PDLIM5: variants seen among roughly 807,000 people sequenced by gnomAD.
PDLIM5 encodes the protein PDZ and LIM domain 5.
Under a neutral mutation model 64.2 loss-of-function variants are expected in PDLIM5, and 34 were observed. The observed-to-expected ratio is 0.53, with a 90% confidence interval of 0.40 to 0.71. The LOEUF (loss-of-function observed/expected upper bound fraction) is 0.71. PDLIM5 is among the 30% of genes least tolerant of loss of function. The probability of loss-of-function intolerance (pLI) is 0.00; values close to 1 mark genes in which losing one functional copy is unlikely to be tolerated. For synonymous variants in PDLIM5, 253 were observed against 269.1 expected (o/e 0.94, Z 0.59); for missense variants, 683 against 733.6 (o/e 0.93, Z 0.80).
At position 94,637,546 on chromosome 4, in the gene PDLIM5, G is replaced by A. The variant is rs577838709; in HGVS notation, c.1109-2730G>A. Among the ~76,000 whole-genome samples, 4 of 152,242 alleles carry A rather than the reference G, an allele frequency of 2.6e-5. No homozygotes were observed. The South Asian group carries it at 6.2e-4, about 24-fold the overall frequency. ...TGCACTCCAGCCTGGGCGACAGGGC[G>A]AGACTCCGTCTCAAAAAAAAAGGAA... On this transcript the variant is annotated intron_variant, in intron 8 of 12. Transcript: ENST00000317968.
intron 2 of PDLIM5, among the ~76,000 whole-genome samples, chr4:94,467,123 GC>G (rs1344273840): frequency 1.3e-5 from 2 of 152,150 alleles, no homozygotes; most frequent in African/African-American, 4.8e-5. Context: ...TAGATCATGA[GC>G]CTCTCTTATC....
intron 2 of PDLIM5, among the ~76,000 whole-genome samples, chr4:94,514,140 T>C (rs1403659477): frequency 6.7e-6 from 1 of 149,224 alleles, no homozygotes; most frequent in African/African-American, 2.5e-5. Context: ...TTTCTTTTTT[T>C]TTTTTTTTTT....
In PDLIM5 at chr4:94,618,201, A is replaced by G. The variant is rs757933998; in HGVS notation, c.1108+10A>G. ...CGGCCAAACCAAGGAGGTAGCCCAG[A>G]GAAATCTCTTGCGTCTTGCTTTTCG... On this transcript the variant is annotated intron_variant, in intron 8 of 12. Coordinates refer to ENST00000317968, the MANE Select transcript of PDLIM5 (RefSeq NM_006457.5). The G allele has an allele frequency of 1.3e-6, 2 of 1,569,986 alleles. No homozygotes were observed. The highest frequency in any genetic ancestry group is 1.7e-6 in the Non-Finnish European group (2 of 1,154,766).
At chr4:94,578,464 A>T (rs1201321521) in intron 5 of PDLIM5, among the ~76,000 whole-genome samples, 1 of 152,194 alleles carries the variant, frequency 6.6e-6, no homozygotes, top group African/African-American at 2.4e-5. Context: ...GGGTGTATTT[A>T]AAAATAGCTT....
At chr4:94,616,875 C>T (rs1051262096) in intron 7 of PDLIM5, among the ~76,000 whole-genome samples, 14 of 152,202 alleles carry the variant, frequency 9.2e-5, no homozygotes, top group African/African-American at 2.4e-4. Flanking sequence ...TTTATTGTTT[C>T]GATAGAAGGA....
rs777436991 is a variant in PDLIM5, at chr4:94,657,424, C to T, written c.1465-3C>T. The T allele has an allele frequency of 3.9e-5, 61 of 1,578,420 alleles. No individual in the cohort carries two copies. Among genetic ancestry groups the T allele is most frequent in the Non-Finnish European group, 5.3e-5 (61 of 1,148,910 alleles). ...TTTACATCCAATTACCTTTCTGTAA[C>T]AGGAAGTCATCAGTGCGTTGAAACA... On this transcript the variant is annotated splice_region_variant and splice_polypyrimidine_tract_variant and intron_variant, in intron 10 of 12. Coordinates refer to ENST00000317968, the MANE Select transcript of PDLIM5 (RefSeq NM_006457.5).
intron 7 of PDLIM5, chr4:94,607,964 A>G (rs988361273): frequency 5.2e-5 from 41 of 788,410 alleles, no homozygotes; most frequent in Middle Eastern, 3.0e-4. Flanking sequence ...AAATTGAACT[A>G]GTAGACATTT....
chr4:94,481,767 C>T (rs567067679), intron 2 of PDLIM5, among the ~76,000 whole-genome samples: 1 of 150,066 alleles, frequency 6.7e-6, no homozygotes, highest in Non-Finnish European at 1.5e-5. Context: ...CGCCACCACA[C>T]CTGGCTAATT....
At chr4:94,653,134 A>G (rs1741968222) in intron 9 of PDLIM5, among the ~76,000 whole-genome samples, 1 of 152,082 alleles carries the variant, frequency 6.6e-6, no homozygotes, top group Non-Finnish European at 1.5e-5. Context: ...TAGGGATGAT[A>G]AGTGATGTTA....
At chr4:94,531,622 C>T (rs1007380640) in intron 3 of PDLIM5, among the ~76,000 whole-genome samples, 8 of 152,114 alleles carry the variant, frequency 5.3e-5, no homozygotes, top group East Asian at 3.9e-4. Flanking sequence ...GCCTGTGGGC[C>T]GTGGGTTGGA....
At chr4:94,515,500 C>T (rs1049263920) in intron 2 of PDLIM5, among the ~76,000 whole-genome samples, 1 of 152,046 alleles carries the variant, frequency 6.6e-6, no homozygotes, top group African/African-American at 2.4e-5. Context: ...TTTTGAAAGG[C>T]CTGTGATTTT....
chr4:94,519,327 G>A (rs147806809), intron 2 of PDLIM5, among the ~76,000 whole-genome samples: 2 of 152,316 alleles, frequency 1.3e-5, no homozygotes, highest in East Asian at 3.9e-4. Flanking sequence ...CATTTCCGGT[G>A]CATTTTGTGG....
At position 94,664,028 on chromosome 4, in the gene PDLIM5, G is replaced by A. The variant is rs749563113; in HGVS notation, c.1752G>A (p.Lys584=). 6.2e-6 allele frequency: 10 copies of A among 1,608,448 alleles called. No homozygotes were observed. The African/African-American group carries it at 9.4e-5, about 15-fold the overall frequency. ...EGQTFFSKKD[K]PLCKKHAHSV... The stretch of plus-strand genomic sequence containing the variant: ...AGACCTTTTTCTCCAAGAAGGACAA[G>A]CCCCTGTGTAAGAAACATGCTCATT... Residue 584 remains lysine (K), a synonymous_variant, in exon 13 of 13, where the codon AAG becomes AAA. Transcript: ENST00000317968.
At chr4:94,573,446 A>G in intron 4 of PDLIM5, 53 bp downstream of exon 4, 1 of 1,315,032 alleles carries the variant, frequency 7.6e-7, no homozygotes, top group Non-Finnish European at 1.1e-6. Flanking sequence ...TTGCTGAGCT[A>G]CTGTAATTCC....
At chr4:94,589,084 A>G (rs1560724849) in intron 7 of PDLIM5, among the ~76,000 whole-genome samples, 2 of 152,202 alleles carry the variant, frequency 1.3e-5, no homozygotes, top group African/African-American at 4.8e-5. Flanking sequence ...TTCTTAGACC[A>G]GGCTTTCCTA....
intron 1 of PDLIM5, among the ~76,000 whole-genome samples, 182 bp downstream of exon 1, chr4:94,452,177 G>C (rs1043002940): frequency 2.0e-5 from 3 of 152,138 alleles, no homozygotes; most frequent in African/African-American, 7.2e-5. Context: ...TGGGAGAGCA[G>C]CTTGGGAAAA....
chr4:94,577,395 A>G (rs776537281), intron 5 of PDLIM5: 7 of 456,400 alleles, frequency 1.5e-5, no homozygotes, highest in South Asian at 1.1e-4. Flanking sequence ...GAGGGAGAGC[A>G]GGAGCTCTAG....
At chr4:94,587,161 G>A in intron 7 of PDLIM5, 20 of 1,492,446 alleles carry the variant, frequency 1.3e-5, no homozygotes, top group Non-Finnish European at 1.8e-5. Flanking sequence ...AGCAAAATCT[G>A]TATTAAATTT....
At chr4:94,511,893 T>G (rs973940731) in intron 2 of PDLIM5, among the ~76,000 whole-genome samples, 1 of 152,202 alleles carries the variant, frequency 6.6e-6, no homozygotes, top group Non-Finnish European at 1.5e-5. Context: ...ACACTTAGGT[T>G]GCCTCCAAAT....
Sources: gnomAD v4.1 joint callset for allele counts (sites outside exome capture counted in the v4.1 genomes callset) on GRCh38, gnomAD v4.1.1 for gene constraint, MANE v1.5 for transcripts, NCBI Gene and HGNC (gene_info 2026-07-23, HGNC 2026-07-21) for gene names.